CAMK1D: variants seen among roughly 807,000 people sequenced by gnomAD.
The protein encoded by CAMK1D is calcium/calmodulin-dependent protein kinase type 1D.
In CAMK1D, 9 loss-of-function variants were observed where a neutral mutation model predicts 47.7. The ratio of observed to expected loss-of-function variants is 0.19; its 90% CI spans 0.11 to 0.33. The LOEUF is 0.33. CAMK1D is among the 10% of genes least tolerant of loss of function. The pLI is 1.00. For synonymous variants in CAMK1D, 184 were observed against 184.9 expected, an observed-to-expected ratio of 0.99 and a Z score of 0.04; for missense variants, 291 against 488.7, an observed-to-expected ratio of 0.60 and a Z score of 3.81.
intron 3 of CAMK1D, among the ~76,000 whole-genome samples, chr10:12,750,852 A>T (rs1362073971): frequency 6.6e-6 from 1 of 152,102 alleles, no homozygotes; most frequent in Non-Finnish European, 1.5e-5. Context: ...GAAATTTGAG[A>T]CCAGCCTGGC....
chr10:12,638,174 G>T (rs1839564646), intron 2 of CAMK1D, among the ~76,000 whole-genome samples: 1 of 152,192 alleles, frequency 6.6e-6, no homozygotes, highest in South Asian at 2.1e-4. Context: ...AAGGGCTAGG[G>T]GGTGGGAGGG....
intron 1 of CAMK1D, among the ~76,000 whole-genome samples, chr10:12,415,749 T>G (rs1338124804): frequency 2.0e-5 from 3 of 150,650 alleles, no homozygotes; most frequent in Non-Finnish European, 4.4e-5. Flanking sequence ...AAATTACGTT[T>G]TTTTTTTTTT....
chr10:12,395,726 C>G (rs570351814), intron 1 of CAMK1D, among the ~76,000 whole-genome samples: 1 of 151,708 alleles, frequency 6.6e-6, no homozygotes, highest in South Asian at 2.1e-4. Context: ...ACCAGCCTAG[C>G]CAACATGGTG....
chr10:12,385,202 G>A (rs1838454979), intron 1 of CAMK1D, among the ~76,000 whole-genome samples: 1 of 152,186 alleles, frequency 6.6e-6, no homozygotes, highest in African/African-American at 2.4e-5. Context: ...TTCCTCAAGA[G>A]ATTCAACATG....
chr10:12,526,865 C>G (rs1230823695), intron 1 of CAMK1D, among the ~76,000 whole-genome samples: 1 of 139,532 alleles, frequency 7.2e-6, no homozygotes, highest in Non-Finnish European at 1.5e-5. Flanking sequence ...CTGCAGTGAG[C>G]TGTGATCATA....
chr10:12,725,550 T>G (rs1834587292), intron 3 of CAMK1D, among the ~76,000 whole-genome samples: 2 of 152,198 alleles, frequency 1.3e-5, no homozygotes, highest in Non-Finnish European at 2.9e-5. Context: ...TGACAAAGTT[T>G]AACAGCTTTC....
chr10:12,672,896 CTT>C (rs750447013), intron 3 of CAMK1D, among the ~76,000 whole-genome samples: 6 of 76,506 alleles, frequency 7.8e-5, no homozygotes, highest in Admixed American at 1.4e-4. Context: ...ATAGGCTTGC[CTT>C]TTTTTTTTTT....
intron 1 of CAMK1D, among the ~76,000 whole-genome samples, chr10:12,499,661 A>G (rs1403892683): frequency 6.6e-6 from 1 of 152,142 alleles, no homozygotes; most frequent in Non-Finnish European, 1.5e-5. Flanking sequence ...CTTGAGAGAG[A>G]GGGATTTTCA....
chr10:12,388,074 A>G (rs1201036184), intron 1 of CAMK1D, among the ~76,000 whole-genome samples: 1 of 152,072 alleles, frequency 6.6e-6, no homozygotes, highest in Admixed American at 6.5e-5. Flanking sequence ...GAGTAGGTTG[A>G]GGTGACTCTC....
intron 1 of CAMK1D, among the ~76,000 whole-genome samples, chr10:12,423,061 G>GT (rs1293023849): frequency 6.6e-6 from 1 of 152,142 alleles, no homozygotes; most frequent in African/African-American, 2.4e-5. Flanking sequence ...ACTTGGGCTT[G>GT]TATCTAGAAA....
rs1367085960 is a variant in CAMK1D, at chr10:12,553,202, C to CT, written c.93-17dup. The CT allele has an allele frequency of 1.4e-5, 22 of 1,611,374 alleles. No individual in the cohort carries two copies. The African/African-American group carries it at 2.4e-4, about 18-fold the overall frequency. ...AACTGGACTTCTGCATCTAAGTGTT[C>CT]TTTTTTCCTTCTTTGTTCACAGCGG... is the stretch of plus-strand genomic sequence containing the variant. On this transcript the variant is annotated intron_variant, in intron 1 of 10. Coordinates refer to ENST00000619168, the MANE Select transcript of CAMK1D (RefSeq NM_153498.4).
chr10:12,650,322 G>A (rs547256760), intron 2 of CAMK1D, among the ~76,000 whole-genome samples: 1 of 152,376 alleles, frequency 6.6e-6, no homozygotes, highest in African/African-American at 2.4e-5. Context: ...AGGGTCAGAT[G>A]CCAGGGCAGG....
At chr10:12,529,556 GA>G (rs1282022313) in intron 1 of CAMK1D, among the ~76,000 whole-genome samples, 2 of 152,198 alleles carry the variant, frequency 1.3e-5, no homozygotes, top group African/African-American at 4.8e-5. Context: ...TATCGACCAT[GA>G]GTTTGCTTGA....
intron 3 of CAMK1D, among the ~76,000 whole-genome samples, chr10:12,671,669 C>T (rs1041245657): frequency 1.3e-5 from 2 of 151,120 alleles, no homozygotes; most frequent in Non-Finnish European, 2.9e-5. Context: ...ATATTAAAAT[C>T]CTTTATCCTT....
At chr10:12,706,160 T>G (rs7909195) in intron 3 of CAMK1D, among the ~76,000 whole-genome samples, 138,935 of 152,170 alleles carry the variant, frequency 0.91, 63,943 homozygotes, top group Non-Finnish European at 0.97. Context: ...TAGACAACGT[T>G]TGGATGGATG....
intron 2 of CAMK1D, among the ~76,000 whole-genome samples, chr10:12,599,751 T>G (rs568124930): frequency 7.5e-4 from 114 of 152,266 alleles, no homozygotes; most frequent in African/African-American, 2.5e-3. Flanking sequence ...TATTCACAAC[T>G]TTTCCACACG....
chr10:12,724,149 G>A (rs1040714784), intron 3 of CAMK1D, among the ~76,000 whole-genome samples: 3 of 152,128 alleles, frequency 2.0e-5, no homozygotes, highest in Non-Finnish European at 4.4e-5. Context: ...CCACCATGCC[G>A]GGCCAAATTT....
chr10:12,452,466 C>T (rs1377147707), intron 1 of CAMK1D, among the ~76,000 whole-genome samples: 5 of 150,762 alleles, frequency 3.3e-5, no homozygotes, highest in Non-Finnish European at 7.4e-5. Flanking sequence ...CAATACAGTA[C>T]AATTATTTAT....
intron 5 of CAMK1D, among the ~76,000 whole-genome samples, chr10:12,787,986 T>A (rs1327641638): frequency 1.3e-5 from 2 of 151,908 alleles, no homozygotes; most frequent in South Asian, 4.2e-4. Flanking sequence ...AAAAAAAAAA[T>A]TATGTTTTGT....
Sources: allele counts gnomAD v4.1 joint callset (sites outside exome capture counted in the v4.1 genomes callset), GRCh38; gene constraint gnomAD v4.1.1; transcripts MANE v1.5; gene names NCBI Gene and HGNC (gene_info 2026-07-23, HGNC 2026-07-21).